Variants in SERGEF observed in about 807,000 individuals in gnomAD.
SERGEF encodes secretion-regulating guanine nucleotide exchange factor.
SERGEF carries 51 observed loss-of-function variants against 50.0 expected under a neutral mutation model. That is an observed-to-expected ratio of 1.02 (90% CI 0.81 to 1.29). SERGEF has a LOEUF of 1.29. Among genes scored for constraint, SERGEF ranks in the 50% most tolerant of loss-of-function variants. SERGEF has a pLI of 0.00. For synonymous variants in SERGEF, 205 were observed against 212.4 expected, an observed-to-expected ratio of 0.97 and a Z score of 0.30; for missense variants, 521 against 557.0, an observed-to-expected ratio of 0.94 and a Z score of 0.65.
At chr11:17,929,752 T>A (rs536892127) in intron 9 of SERGEF, among the ~76,000 whole-genome samples, 1 of 152,314 alleles carries the variant, frequency 6.6e-6, no homozygotes, top group South Asian at 2.1e-4. Flanking sequence ...TTCAACACAG[T>A]TCTCTGTGTA....
intron 9 of SERGEF, among the ~76,000 whole-genome samples, chr11:17,916,689 G>C (rs1011909332): frequency 6.6e-6 from 1 of 152,172 alleles, no homozygotes; most frequent in Non-Finnish European, 1.5e-5. Flanking sequence ...AATAAGTGTT[G>C]GTTTTTGTTG....
chr11:17,904,539 C>G (rs1851804258), intron 9 of SERGEF, among the ~76,000 whole-genome samples: 1 of 152,192 alleles, frequency 6.6e-6, no homozygotes, highest in South Asian at 2.1e-4. Flanking sequence ...TTTACTCTGT[C>G]TATTCAAACC....
intron 9 of SERGEF, among the ~76,000 whole-genome samples, chr11:17,953,462 C>A (rs972730941): frequency 2.0e-5 from 3 of 152,210 alleles, no homozygotes; most frequent in African/African-American, 7.2e-5. Flanking sequence ...TTCTGAGCAC[C>A]ATATAGGCTC....
intron 8 of SERGEF, among the ~76,000 whole-genome samples, chr11:17,972,855 G>C (rs927974102): frequency 1.3e-5 from 2 of 152,054 alleles, no homozygotes; most frequent in Non-Finnish European, 2.9e-5. Context: ...GAGGCCCAAG[G>C]GCTGGGTAAT....
chr11:17,933,046 T>C (rs1246692436), intron 9 of SERGEF, among the ~76,000 whole-genome samples: 1 of 152,130 alleles, frequency 6.6e-6, no homozygotes, highest in Non-Finnish European at 1.5e-5. Context: ...TCAAGTTAGG[T>C]CTAATGTTAT....
intron 4 of SERGEF, among the ~76,000 whole-genome samples, chr11:18,001,469 T>C (rs1353928816): frequency 6.6e-6 from 1 of 152,214 alleles, no homozygotes; most frequent in Admixed American, 6.5e-5. Flanking sequence ...AAAAGTCCAA[T>C]AGAAAGGTCC....
At chr11:17,883,362 A>G (rs1466119106) in intron 9 of SERGEF, among the ~76,000 whole-genome samples, 1 of 152,226 alleles carries the variant, frequency 6.6e-6, no homozygotes, top group Admixed American at 6.5e-5. Context: ...CAACTGTTGG[A>G]TGTGAGTACT....
chr11:17,828,284 T>C lies in SERGEF; in HGVS notation c.1049-39871A>G, dbSNP rs150183007. Among the ~76,000 whole-genome samples the C allele has an allele frequency of 8.8e-3, 1,341 of 152,344 alleles. 7 individuals carry two copies. Among genetic ancestry groups the C allele is most frequent in the Admixed American group, 0.016 (239 of 15,304 alleles). ...AGATTCTCACTGCATTTCCTCCAGC[T>C]TCCTTCAAGAATTTTCTCTTTAAGC... is the stretch of plus-strand genomic sequence containing the variant. On this transcript the variant is annotated intron_variant, in intron 10 of 10. Transcript: ENST00000265965.
In SERGEF at chr11:17,788,092, C is replaced by G. The variant is rs10788; in HGVS notation, c.1370G>C (p.Gly457Ala). The G allele has an allele frequency of 6.6e-7, 1 of 1,519,002 alleles. No individual in the cohort carries two copies. Among genetic ancestry groups the G allele is most frequent in the East Asian group, 2.3e-5 (1 of 43,786 alleles). 94.1% of individuals were successfully genotyped at this position (1,519,002 alleles called of 1,614,324 possible). ...QSQSDWSRNG[G>A]L ...TTTATTAAAGATTCTCTATCACAGT[C>G]CCCCATTTCTGGACCAGTCAGATTG... The change falls in exon 11 of 11, where the codon GGA (glycine) becomes GCA (alanine). Residue 457 changes from glycine to alanine, a missense_variant. By Grantham distance (60) the Gly-to-Ala change is moderately conservative. Transcript: ENST00000265965.
intron 9 of SERGEF, among the ~76,000 whole-genome samples, chr11:17,887,885 C>T (rs748878522): frequency 2.6e-5 from 4 of 152,192 alleles, no homozygotes; most frequent in East Asian, 1.9e-4. Context: ...TAAAATTCCA[C>T]GGCCTGTTAG....
chr11:17,881,270 T>C (rs577572177), intron 9 of SERGEF, among the ~76,000 whole-genome samples: 131 of 152,340 alleles, frequency 8.6e-4, no homozygotes, highest in Non-Finnish European at 1.7e-3. Flanking sequence ...GCTGTGACTG[T>C]AGAGCTGACC....
intron 9 of SERGEF, among the ~76,000 whole-genome samples, chr11:17,940,099 AAAG>A (rs148701095): frequency 0.12 from 18,106 of 152,168 alleles, 1,320 homozygotes; most frequent in Middle Eastern, 0.22. Flanking sequence ...CCAGTCTAAC[AAAG>A]AAGAAGAAAG....
chr11:17,923,889 AAG>A (rs1467697897), intron 9 of SERGEF, among the ~76,000 whole-genome samples: 2 of 152,320 alleles, frequency 1.3e-5, no homozygotes, highest in East Asian at 3.9e-4. Context: ...TCCTTGATGG[AAG>A]AGACTGTGTC....
At chr11:17,833,650 T>A (rs1165307624) in intron 10 of SERGEF, among the ~76,000 whole-genome samples, 6 of 152,162 alleles carry the variant, frequency 3.9e-5, no homozygotes, top group Non-Finnish European at 7.4e-5. Context: ...ACCCTGCAAA[T>A]CCACAGGGGT....
At chr11:17,795,485 G>C (rs1849557568) in intron 10 of SERGEF, among the ~76,000 whole-genome samples, 2 of 152,132 alleles carry the variant, frequency 1.3e-5, no homozygotes, top group Non-Finnish European at 2.9e-5. Context: ...AACACAGCCT[G>C]GTCTAGGTCC....
chr11:17,837,092 C>A (rs1378946577), intron 10 of SERGEF, among the ~76,000 whole-genome samples: 24 of 152,180 alleles, frequency 1.6e-4, no homozygotes, highest in Admixed American at 1.6e-3. Context: ...TACATCCTGG[C>A]AGTCAGGTCT....
intron 8 of SERGEF, among the ~76,000 whole-genome samples, chr11:17,967,990 C>T (rs1853162230): frequency 6.6e-6 from 1 of 152,226 alleles, no homozygotes; most frequent in Non-Finnish European, 1.5e-5. Context: ...AATAAGCCAC[C>T]TCTTCCTTTA....
At chr11:17,819,587 C>T (rs1183181478) in intron 10 of SERGEF, among the ~76,000 whole-genome samples, 1 of 152,222 alleles carries the variant, frequency 6.6e-6, no homozygotes, top group East Asian at 1.9e-4. Context: ...TACTCTGCCA[C>T]TCTGCCTCCG....
chr11:17,950,558 C>A (rs1248586226), intron 9 of SERGEF, among the ~76,000 whole-genome samples: 1 of 152,158 alleles, frequency 6.6e-6, no homozygotes, highest in Non-Finnish European at 1.5e-5. Flanking sequence ...AAACTAGAGA[C>A]AAGGGCTTAC....
Sources: gnomAD v4.1 joint callset for allele counts (sites outside exome capture counted in the v4.1 genomes callset) on GRCh38, gnomAD v4.1.1 for gene constraint, MANE v1.5 for transcripts, NCBI Gene and HGNC (gene_info 2026-07-23, HGNC 2026-07-21) for gene names.